The following DNMBP variants were observed in gnomAD, a reference collection of about 807,000 sequenced individuals.
The protein encoded by DNMBP is dynamin binding protein.
In DNMBP, 87 loss-of-function variants were observed where a neutral mutation model predicts 150.0. The observed-to-expected ratio is 0.58, with a 90% CI of 0.49 to 0.69. The LOEUF (loss-of-function observed/expected upper bound fraction) is 0.69. Among genes scored for constraint, DNMBP ranks in the 30% least tolerant of loss-of-function variants. The pLI is 0.00. For missense variants in DNMBP, 1,774 were observed against 1,949.0 expected (o/e 0.91, Z 1.69); for synonymous variants, 711 against 750.4 (o/e 0.95, Z 0.86).
intron 3 of DNMBP, among the ~76,000 whole-genome samples, chr10:99,961,016 A>C (rs1304807413): frequency 2.6e-5 from 4 of 151,752 alleles, no homozygotes; most frequent in Admixed American, 6.6e-5. Flanking sequence ...AAAAAAAAAA[A>C]CTAAGTCTGT....
intron 4 of DNMBP, among the ~76,000 whole-genome samples, chr10:99,916,936 A>C (rs1416869345): frequency 2.6e-5 from 4 of 152,116 alleles, no homozygotes; most frequent in African/African-American, 9.7e-5. Flanking sequence ...CAGGAGGCGG[A>C]GGGTGCAGTG....
chr10:99,880,892 T>C (rs1319858897), intron 15 of DNMBP, among the ~76,000 whole-genome samples: 1 of 152,140 alleles, frequency 6.6e-6, no homozygotes, highest in Non-Finnish European at 1.5e-5. Flanking sequence ...TTGAGCCCAG[T>C]TCCCTGGTCA....
At chr10:99,902,171 G>A (rs961688472) in intron 6 of DNMBP, among the ~76,000 whole-genome samples, 4 of 151,888 alleles carry the variant, frequency 2.6e-5, no homozygotes, top group African/African-American at 9.7e-5. Context: ...GATAACGGGC[G>A]TGAGTCACCA....
intron 4 of DNMBP, among the ~76,000 whole-genome samples, chr10:99,911,719 AACTT>A (rs1392884639): frequency 6.6e-6 from 1 of 152,200 alleles, no homozygotes; most frequent in Non-Finnish European, 1.5e-5. Flanking sequence ...TTCAAAATAA[AACTT>A]AAGACATAAC....
intron 1 of DNMBP, among the ~76,000 whole-genome samples, chr10:99,975,088 G>A (rs931247456): frequency 2.0e-5 from 3 of 152,134 alleles, no homozygotes; most frequent in Non-Finnish European, 4.4e-5. Context: ...AGCCAGGCAC[G>A]GTGGCTCATG....
chr10:100,007,040 A>C (rs146995884), intron 1 of DNMBP, among the ~76,000 whole-genome samples: 3 of 151,992 alleles, frequency 2.0e-5, no homozygotes, highest in African/African-American at 4.8e-5. Context: ...ACTTGAGCCC[A>C]GGAGGTTGAG....
chr10:99,918,160 A>C (rs1368042604), intron 4 of DNMBP, among the ~76,000 whole-genome samples: 1 of 151,782 alleles, frequency 6.6e-6, no homozygotes, highest in African/African-American at 2.4e-5. Context: ...AGGAATCACA[A>C]ACCCTGGTTT....
rs764266019 is a variant in DNMBP, at chr10:99,877,143, A to G, written c.*8T>C. ...AGGCAGCAAGGCTGGGTGGCAGGCA[A>G]CGTGGGCTCAGGTGTACTCGGTTTT... On this transcript the variant is annotated 3_prime_UTR_variant, in exon 17 of 17. Transcript: ENST00000324109. 4 of 1,599,572 alleles carry G rather than the reference A, an allele frequency of 2.5e-6. No individual in the cohort carries two copies. Among genetic ancestry groups the G allele is most frequent in the Non-Finnish European group, 3.4e-6 (4 of 1,172,738 alleles).
chr10:99,884,234 ATCTC>A, intron 14 of DNMBP, 25 bp from the exon 15 acceptor site: 1 of 1,596,938 alleles, frequency 6.3e-7, no homozygotes, highest in South Asian at 1.1e-5. Flanking sequence ...GTTAACAAAA[ATCTC>A]TCAGTGGCCA....
At chr10:100,005,789 A>AAAAAAAAAAAAAAC (rs2041064399) in intron 1 of DNMBP, among the ~76,000 whole-genome samples, 1 of 149,494 alleles carries the variant, frequency 6.7e-6, no homozygotes, top group Non-Finnish European at 1.5e-5. Context: ...AAAAAACCAA[A>AAAAAAAAAAAAAAC]CTACATAAAG....
chr10:99,964,089 T>C (rs1172352911), intron 3 of DNMBP, among the ~76,000 whole-genome samples: 3 of 151,568 alleles, frequency 2.0e-5, no homozygotes, highest in Non-Finnish European at 4.4e-5. Flanking sequence ...TAATATGCAC[T>C]AACTTGTTTC....
intron 3 of DNMBP, among the ~76,000 whole-genome samples, chr10:99,962,047 T>C (rs2040570461): frequency 6.6e-6 from 1 of 151,294 alleles, no homozygotes; most frequent in Non-Finnish European, 1.5e-5. Flanking sequence ...TGTCTCTCCA[T>C]CTGAAACCTA....
chr10:99,953,422 A>G (rs2040445884), intron 4 of DNMBP, among the ~76,000 whole-genome samples: 1 of 152,146 alleles, frequency 6.6e-6, no homozygotes, highest in African/African-American at 2.4e-5. Context: ...TCATCTATAG[A>G]GTAGCCATAT....
intron 2 of DNMBP, among the ~76,000 whole-genome samples, chr10:99,970,457 G>A (rs1005593784): frequency 2.6e-5 from 4 of 152,206 alleles, no homozygotes; most frequent in Admixed American, 2.0e-4. Context: ...ACCATGTAGG[G>A]TAAGGGATAA....
intron 3 of DNMBP, among the ~76,000 whole-genome samples, chr10:99,966,967 T>G (rs911672882): frequency 3.3e-5 from 5 of 151,520 alleles, no homozygotes; most frequent in Non-Finnish European, 7.4e-5. Context: ...TTAATTTTTT[T>G]TTTTTTTTTT....
chr10:100,009,780 C>T (rs1469980131), intron 1 of DNMBP, 58 bp downstream of exon 1: 1 of 149,342 alleles, frequency 6.7e-6, no homozygotes, highest in South Asian at 2.0e-4. Context: ...GGCCCCGGAC[C>T]GCGACCCCCG....
chr10:99,995,892 T>G (rs923887804), intron 1 of DNMBP, among the ~76,000 whole-genome samples: 2 of 152,268 alleles, frequency 1.3e-5, no homozygotes, highest in African/African-American at 4.8e-5. Context: ...TCAGGCACAG[T>G]AGGCATTGAT....
At chr10:99,984,982 T>A (rs1564754307) in intron 1 of DNMBP, among the ~76,000 whole-genome samples, 1 of 152,178 alleles carries the variant, frequency 6.6e-6, no homozygotes, top group Non-Finnish European at 1.5e-5. Flanking sequence ...GTTCAAGCAA[T>A]CCTCCAGCCT....
Position 99,982,661 on chromosome 10 carries a change from G to T in DNMBP, c.-10-10527C>A, listed in dbSNP as rs191329572. ...ATTAGTCAGTATATTCTTTCAAAAA[G>T]CACTGGTGAGGCTGGGCACGGTGGC... On this transcript the variant is annotated intron_variant, in intron 1 of 16. Coordinates refer to ENST00000324109, the MANE Select transcript of DNMBP (RefSeq NM_015221.4). Among the ~76,000 whole-genome samples, 251 of 152,022 alleles carry T rather than the reference G, an allele frequency of 1.7e-3. 1 individual carries two copies. The highest frequency in any genetic ancestry group is 0.01 in the Middle Eastern group (3 of 294).
Sources: gnomAD v4.1 joint callset for allele counts (sites outside exome capture counted in the v4.1 genomes callset) on GRCh38, gnomAD v4.1.1 for gene constraint, MANE v1.5 for transcripts, NCBI Gene and HGNC (gene_info 2026-07-23, HGNC 2026-07-21) for gene names.